TARBP1: variants seen among roughly 807,000 people sequenced by gnomAD.
TARBP1 encodes tRNA (guanosine(18)-2'-O)-methyltransferase TARBP1.
Under a neutral mutation model 178.6 loss-of-function variants are expected in TARBP1, and 144 were observed. The observed-to-expected ratio is 0.81, with a 90% confidence interval of 0.70 to 0.93. The LOEUF is 0.93. TARBP1 is among the 40% of genes least tolerant of loss of function. The pLI is 0.00. For missense variants in TARBP1, 2,067 were observed against 2,011.7 expected (o/e 1.03, Z -0.53); for synonymous variants, 787 against 781.0 (o/e 1.01, Z -0.13).
chr1:234,401,574 G>GTA (rs1231374047), intron 24 of TARBP1, among the ~76,000 whole-genome samples: 15 of 152,144 alleles, frequency 9.9e-5, no homozygotes, highest in Non-Finnish European at 1.5e-5. Flanking sequence ...CAGCCAAGTT[G>GTA]TACCTACTTT....
chr1:234,392,284 C>T (rs1470845988), intron 29 of TARBP1, 132 bp downstream of exon 29: 13 of 1,162,842 alleles, frequency 1.1e-5, no homozygotes, highest in Admixed American at 2.4e-5. Context: ...TGTAGTGAGC[C>T]GAGATTGTGC....
intron 29 of TARBP1, among the ~76,000 whole-genome samples, 191 bp from the exon 30 acceptor site, chr1:234,391,936 A>G (rs1006615181): frequency 2.6e-5 from 4 of 152,224 alleles, no homozygotes; most frequent in African/African-American, 9.6e-5. Flanking sequence ...AAAAAGACTG[A>G]TGGGTCAATT....
chr1:234,430,086 C>T lies in TARBP1; in HGVS notation c.2609+1G>A. 2 of 1,608,934 alleles carry T rather than the reference C, an allele frequency of 1.2e-6. No homozygotes were observed. Among genetic ancestry groups the T allele is most frequent in the Non-Finnish European group, 1.7e-6 (2 of 1,175,768 alleles). ...TTTTTAAGCCTTAACCTTCCCTGTA[C>T]CTGCTGCACTCCAAGGGGTGAGCAT... is the stretch of plus-strand genomic sequence containing the variant. On this transcript the variant is annotated splice_donor_variant, in intron 15 of 29. Transcript: ENST00000040877. LOFTEE classifies it high-confidence loss of function.
chr1:234,392,246 A>G (rs3754318), intron 29 of TARBP1, among the ~76,000 whole-genome samples, 170 bp downstream of exon 29: 89,491 of 151,616 alleles, frequency 0.59, 27,349 homozygotes, highest in African/African-American at 0.75. Flanking sequence ...TGATGCCTGA[A>G]AATTGCTTGA....
intron 25 of TARBP1, among the ~76,000 whole-genome samples, chr1:234,399,487 A>C (rs1008537292): frequency 6.6e-6 from 1 of 152,198 alleles, no homozygotes; most frequent in Admixed American, 6.5e-5. Flanking sequence ...GCGATTCCTC[A>C]GGGATCTAGA....
intron 24 of TARBP1, among the ~76,000 whole-genome samples, chr1:234,401,600 T>C (rs761811135): frequency 6.6e-6 from 1 of 152,152 alleles, no homozygotes; most frequent in Non-Finnish European, 1.5e-5. Context: ...ACCAAACAAA[T>C]TTACTATGAG....
In TARBP1 at chr1:234,393,384, T is replaced by C; in HGVS notation, c.4538A>G (p.Glu1513Gly). The change falls in exon 28 of 30, where the codon GAA becomes GGA. Residue 1513 changes from glutamate to glycine, a missense_variant. Glu to Gly is a moderately conservative substitution (Grantham distance 98, BLOSUM62 -2). Coordinates refer to ENST00000040877, the MANE Select transcript of TARBP1 (RefSeq NM_005646.4). ...CACCTCCACTAGAGGAAGCCACTGT[T>C]CTGCAGAGACACTGAGGTGCTGAAA... ...KQFQHLSVSA[E>G]QWLPLVEVKP... 1 of 1,595,686 alleles carries C rather than the reference T, an allele frequency of 6.3e-7. No individual in the cohort carries two copies. Among genetic ancestry groups the C allele is most frequent in the Middle Eastern group, 1.7e-4 (1 of 5,978 alleles).
chr1:234,462,016 T>C (rs1255165604), intron 6 of TARBP1, among the ~76,000 whole-genome samples: 1 of 152,204 alleles, frequency 6.6e-6, no homozygotes, highest in Non-Finnish European at 1.5e-5. Flanking sequence ...TGGAAACTGG[T>C]GACTGAAAAA....
At chr1:234,451,766 A>AAAAAAAAAAAAAAAAAAAAAAAAAAAAAC (rs57636903) in intron 9 of TARBP1, among the ~76,000 whole-genome samples, 1 of 17,176 alleles carries the variant, frequency 5.8e-5, no homozygotes, top group Non-Finnish European at 8.8e-5. Context: ...AAAAAAAAAA[A>AAAAAAAAAAAAAAAAAAAAAAAAAAAAAC]TGATGAATGA....
At chr1:234,417,884 CA>C (rs984770001) in intron 22 of TARBP1, among the ~76,000 whole-genome samples, 199 bp downstream of exon 22, 1 of 152,074 alleles carries the variant, frequency 6.6e-6, no homozygotes, top group Non-Finnish European at 1.5e-5. Flanking sequence ...GAACAGCTCT[CA>C]AAAACTATGA....
At chr1:234,420,920 G>A (rs1663012326) in intron 20 of TARBP1, 108 bp from the exon 21 acceptor site, 1 of 560,594 alleles carries the variant, frequency 1.8e-6, no homozygotes, top group East Asian at 3.0e-5. Flanking sequence ...TAGGCACAGG[G>A]GCTTTTTCTT....
chr1:234,424,814 C>T (rs1663519250), intron 20 of TARBP1, among the ~76,000 whole-genome samples: 1 of 152,106 alleles, frequency 6.6e-6, no homozygotes, highest in South Asian at 2.1e-4. Flanking sequence ...GTAATCCCAG[C>T]ACTCTGGGAG....
intron 3 of TARBP1, 136 bp from the exon 4 acceptor site, chr1:234,467,786 T>C (rs1668600185): frequency 1.0e-6 from 1 of 971,540 alleles, no homozygotes; most frequent in African/African-American, 1.7e-5. Flanking sequence ...TTACTGTTTT[T>C]TGAGAGACAG....
Position 234,479,017 on chromosome 1 carries a change from G to A in TARBP1, c.87C>T (p.Ser29=), listed in dbSNP as rs756011670. 40 of 1,522,406 alleles carry A rather than the reference G, an allele frequency of 2.6e-5. No homozygotes were observed. Among genetic ancestry groups the A allele is most frequent in the Non-Finnish European group, 3.5e-5 (40 of 1,147,496 alleles). The allele number at this position is 1,522,406 out of a possible 1,614,324, so 94.3% of individuals were successfully genotyped here. ...AGCGCAGCGTCTCCACGCGCTCCGC[G>A]GATGCCTCCCCTTGGCACAGCGCCC... The part of the protein sequence containing the change: ...LLGALCQGEA[S]AERVETLRFL... Residue 29 remains serine, a synonymous_variant, in exon 1 of 30, where the codon TCC becomes TCT. Coordinates refer to ENST00000040877, the MANE Select transcript of TARBP1 (RefSeq NM_005646.4).
chr1:234,478,116 T>A (rs955286361), intron 1 of TARBP1, 57 bp downstream of exon 1: 140 of 1,544,832 alleles, frequency 9.1e-5, no homozygotes, highest in Admixed American at 1.8e-4. Flanking sequence ...GCAGGAAGAC[T>A]CCCCTCTGGG....
intron 22 of TARBP1, among the ~76,000 whole-genome samples, chr1:234,413,935 T>C (rs1402801186): frequency 6.6e-6 from 1 of 152,186 alleles, no homozygotes; most frequent in South Asian, 2.1e-4. Flanking sequence ...GGTTTCTGGT[T>C]TGTGCAACTG....
At chr1:234,449,143 A>G (rs1279760147) in intron 10 of TARBP1, among the ~76,000 whole-genome samples, 1 of 152,224 alleles carries the variant, frequency 6.6e-6, no homozygotes, top group Non-Finnish European at 1.5e-5. Flanking sequence ...TCATGTGTGC[A>G]CTAAGTGACA....
chr1:234,424,702 G>C (rs1468768384), intron 20 of TARBP1, among the ~76,000 whole-genome samples: 1 of 152,166 alleles, frequency 6.6e-6, no homozygotes, highest in Non-Finnish European at 1.5e-5. Context: ...AAGGCAAGAG[G>C]ATCACTTGAG....
chr1:234,459,427 T>C (rs1399926659), intron 7 of TARBP1, 101 bp from the exon 8 acceptor site: 2 of 859,850 alleles, frequency 2.3e-6, no homozygotes, highest in South Asian at 1.8e-5. Flanking sequence ...CACTTCCTAA[T>C]GCAGAAAGTC....
Sources: allele counts gnomAD v4.1 joint callset (sites outside exome capture counted in the v4.1 genomes callset), GRCh38; gene constraint gnomAD v4.1.1; transcripts MANE v1.5; gene names NCBI Gene and HGNC (gene_info 2026-07-23, HGNC 2026-07-21).